The following PRMT9 variants were observed in gnomAD, a reference collection of about 807,000 sequenced individuals.
PRMT9 encodes protein arginine methyltransferase 9.
In PRMT9, 59 loss-of-function variants were observed where a neutral mutation model predicts 83.2. That is an observed-to-expected ratio of 0.71 (90% CI 0.57 to 0.88). The LOEUF (loss-of-function observed/expected upper bound fraction) is 0.88. Ranked by LOEUF, PRMT9 falls within the 40% of genes least tolerant of loss-of-function variation. The pLI is 0.00. For synonymous variants in PRMT9, 333 were observed against 353.2 expected, an observed-to-expected ratio of 0.94 and a Z score of 0.64; for missense variants, 947 against 1,021.9, an observed-to-expected ratio of 0.93 and a Z score of 1.00.
At chr4:147,645,914 T>A (rs962534849) in intron 9 of PRMT9, among the ~76,000 whole-genome samples, 3 of 152,190 alleles carry the variant, frequency 2.0e-5, no homozygotes, top group Non-Finnish European at 4.4e-5. Flanking sequence ...ACATGATCCT[T>A]CTGAGTTGTA....
intron 6 of PRMT9, among the ~76,000 whole-genome samples, chr4:147,663,241 C>A (rs544543965): frequency 3.3e-5 from 5 of 152,066 alleles, no homozygotes; most frequent in African/African-American, 1.2e-4. Flanking sequence ...ATCTCCTGGC[C>A]TCATGATCCG....
At chr4:147,651,160 A>T (rs1303521635) in intron 9 of PRMT9, among the ~76,000 whole-genome samples, 1 of 152,120 alleles carries the variant, frequency 6.6e-6, no homozygotes, top group African/African-American at 2.4e-5. Flanking sequence ...TTCAGAAAAC[A>T]TATCCGAAAT....
intron 9 of PRMT9, among the ~76,000 whole-genome samples, chr4:147,644,547 A>G (rs569416021): frequency 2.6e-4 from 39 of 151,010 alleles, no homozygotes; most frequent in African/African-American, 8.5e-4. Flanking sequence ...GTTAAAAAAA[A>G]AAAAAAAAAA....
At chr4:147,659,798 C>G (rs1461809926) in intron 7 of PRMT9, among the ~76,000 whole-genome samples, 3 of 152,032 alleles carry the variant, frequency 2.0e-5, no homozygotes, top group Admixed American at 2.0e-4. Flanking sequence ...CTAGGCTGGT[C>G]CTGAACTCCT....
rs764566941 is a variant in PRMT9, at chr4:147,683,970, G to C, written c.18C>G (p.Pro6=). 2 of 1,612,826 alleles carry C rather than the reference G, an allele frequency of 1.2e-6. No homozygotes were observed. Among genetic ancestry groups the C allele is most frequent in the South Asian group, 2.2e-5 (2 of 91,076 alleles). The change falls in exon 1 of 12, where the codon CCC becomes CCG. Residue 6 remains proline, a synonymous_variant. Coordinates refer to ENST00000322396, the MANE Select transcript of PRMT9 (RefSeq NM_138364.4). ...CACCCCCGGCGTCTCGGCGGGACCT[G>C]GGCCGCGAGTTCGACATGGCAGTCA... MSNSR[P]RSRRDAGGGA...
At chr4:147,657,290 C>T (rs1469270918) in intron 8 of PRMT9, among the ~76,000 whole-genome samples, 1 of 151,958 alleles carries the variant, frequency 6.6e-6, no homozygotes, top group African/African-American at 2.4e-5. Flanking sequence ...CTTTGGGAGG[C>T]CGAGGTGGGT....
chr4:147,657,978 G>C lies in PRMT9; in HGVS notation c.1147-3C>G. ...TTAGTTGCAAGACTTTTTAATTCCT[G>C]AGAAAAATGTAGAAGGAATGAAACG... is the stretch of plus-strand genomic sequence containing the variant. On this transcript the variant is annotated splice_region_variant and splice_polypyrimidine_tract_variant and intron_variant, in intron 7 of 11. Coordinates refer to ENST00000322396, the MANE Select transcript of PRMT9 (RefSeq NM_138364.4). The C allele has an allele frequency of 6.3e-7, 1 of 1,580,166 alleles. No homozygotes were observed. The highest frequency in any genetic ancestry group is 8.7e-7 in the Non-Finnish European group (1 of 1,153,000).
chr4:147,654,667 C>T, intron 8 of PRMT9, 101 bp from the exon 9 acceptor site: 2 of 772,040 alleles, frequency 2.6e-6, no homozygotes, highest in Admixed American at 4.0e-5. Context: ...TTCTTTAGAT[C>T]ACTATAGAAA....
In PRMT9 at chr4:147,683,957, C is replaced by G; in HGVS notation, c.31G>C (p.Asp11His). 1 of 1,612,940 alleles carries G rather than the reference C, an allele frequency of 6.2e-7. No individual in the cohort carries two copies. The highest frequency in any genetic ancestry group is 8.5e-7 in the Non-Finnish European group (1 of 1,179,660). Residue 11 changes from aspartate to histidine, a missense_variant, in exon 1 of 12, where the codon GAC becomes CAC. Physicochemically the swap from Asp to His is moderately conservative, Grantham distance 81. Transcript: ENST00000322396. ...GCTGCCCCAGCGCCACCCCCGGCGTCTCGGCGGGACCTGGGCCGCGAGTTC... is the reference window on the plus strand; with the variant it reads ...GCTGCCCCAGCGCCACCCCCGGCGTGTCGGCGGGACCTGGGCCGCGAGTTC... MSNSRPRSRR[D>H]AGGGAGAAGR...
intron 10 of PRMT9, among the ~76,000 whole-genome samples, chr4:147,640,024 C>T (rs1285783130): frequency 6.7e-6 from 1 of 148,788 alleles, no homozygotes; most frequent in Non-Finnish European, 1.5e-5. Context: ...TAGTCGGCCC[C>T]CACTTTTATT....
At position 147,668,706 on chromosome 4, in the gene PRMT9, T is replaced by C. The variant is rs532560829; in HGVS notation, c.847-61A>G. The C allele has an allele frequency of 5.3e-5, 48 of 913,436 alleles. 3 individuals are homozygous for C. In the South Asian group the frequency reaches 5.9e-4, roughly 11 times the overall value. 56.6% of individuals were successfully genotyped at this position (913,436 alleles called of 1,614,324 possible). ...TGTATGTAAAAATGTGTGTGCATAA[T>C]GATAAGCTATGAAAATATAATTTAA... On this transcript the variant is annotated intron_variant, in intron 5 of 11. Coordinates refer to ENST00000322396, the MANE Select transcript of PRMT9 (RefSeq NM_138364.4).
At chr4:147,680,501 A>G in intron 1 of PRMT9, 30 bp from the exon 2 acceptor site, 3 of 1,495,004 alleles carry the variant, frequency 2.0e-6, no homozygotes, top group Non-Finnish European at 2.8e-6. Flanking sequence ...ATTATGAATT[A>G]GTCAATAACA....
At chr4:147,663,601 G>A (rs1292276718) in intron 6 of PRMT9, among the ~76,000 whole-genome samples, 1 of 152,086 alleles carries the variant, frequency 6.6e-6, no homozygotes, top group Non-Finnish European at 1.5e-5. Context: ...CCTGAGCTCA[G>A]GCCATCTGCC....
intron 9 of PRMT9, among the ~76,000 whole-genome samples, chr4:147,646,004 T>G (rs1481777446): frequency 6.6e-6 from 1 of 152,218 alleles, no homozygotes; most frequent in Non-Finnish European, 1.5e-5. Context: ...GCTATTCCTT[T>G]CCTATCAACT....
chr4:147,645,591 C>T (rs1733675541), intron 9 of PRMT9, among the ~76,000 whole-genome samples: 1 of 152,152 alleles, frequency 6.6e-6, no homozygotes, highest in Admixed American at 6.5e-5. Flanking sequence ...CAGCAATCAA[C>T]TATCAAATGG....
chr4:147,666,619 T>A (rs1183171292), intron 6 of PRMT9, among the ~76,000 whole-genome samples: 2 of 152,194 alleles, frequency 1.3e-5, no homozygotes, highest in Non-Finnish European at 2.9e-5. Flanking sequence ...GGTTTTTATA[T>A]CTAATAAGGC....
chr4:147,674,915 T>C (rs887986599), intron 2 of PRMT9, among the ~76,000 whole-genome samples: 1 of 152,240 alleles, frequency 6.6e-6, no homozygotes, highest in Non-Finnish European at 1.5e-5. Flanking sequence ...ACTGAGCTAG[T>C]AGAACCCTCT....
intron 6 of PRMT9, 50 bp from the exon 7 acceptor site, chr4:147,661,088 A>C (rs1436739999): frequency 2.6e-6 from 3 of 1,143,752 alleles, no homozygotes. Flanking sequence ...TTTTTTTAGA[A>C]TCAAGTAACA....
rs1325063070 is a variant in PRMT9, at chr4:147,683,860, G to A, written c.128C>T (p.Thr43Ile). ...EHCLGVQDFG[T>I]AYAHYLLVLS... is the part of the protein sequence containing the mutation. ...CACGAGGAGGTAGTGGGCATAGGCA[G>A]TGCCGAAGTCCTGGACGCCCAGACA... The change falls in exon 1 of 12, where the codon ACT becomes ATT. Residue 43 changes from threonine to isoleucine, a missense_variant. Transcript: ENST00000322396. 6.2e-7 allele frequency: 1 copy of A among 1,613,374 alleles called. No homozygotes were observed. The highest frequency in any genetic ancestry group is 1.3e-5 in the African/African-American group (1 of 74,798).
Sources: allele counts gnomAD v4.1 joint callset (sites outside exome capture counted in the v4.1 genomes callset), GRCh38; gene constraint gnomAD v4.1.1; transcripts MANE v1.5; gene names NCBI Gene and HGNC (gene_info 2026-07-23, HGNC 2026-07-21).